The following DNAH2 variants were observed in gnomAD, a reference collection of about 807,000 sequenced individuals.
The protein encoded by DNAH2 is dynein axonemal heavy chain 2.
Under a neutral mutation model 523.5 loss-of-function variants are expected in DNAH2, and 323 were observed. The observed-to-expected ratio is 0.62, with a 90% CI of 0.56 to 0.68. The LOEUF (loss-of-function observed/expected upper bound fraction) is 0.68, where lower values mean the gene tolerates loss of function less well. Among genes scored for constraint, DNAH2 ranks in the 30% least tolerant of loss-of-function variants. DNAH2 has a pLI of 0.00. For missense variants in DNAH2, 4,907 were observed against 5,701.5 expected (o/e 0.86, Z 4.49); for synonymous variants, 2,093 against 2,177.4 (o/e 0.96, Z 1.08).
chr17:7,719,698 T>C (rs2074537176), intron 1 of DNAH2, 23 bp from the exon 2 acceptor site: 3 of 1,614,028 alleles, frequency 1.9e-6, no homozygotes, highest in Non-Finnish European at 2.5e-6. Context: ...GCTTGTAGAC[T>C]CTCCACTCCT....
intron 9 of DNAH2, 100 bp downstream of exon 9, chr17:7,740,038 A>T: frequency 1.1e-6 from 1 of 915,000 alleles, no homozygotes; most frequent in Non-Finnish European, 1.5e-6. Flanking sequence ...AAATGGTGGA[A>T]GGACAGATCG....
intron 31 of DNAH2, 87 bp from the exon 32 acceptor site, chr17:7,776,692 G>A (rs1459299075): frequency 2.9e-6 from 3 of 1,049,282 alleles, no homozygotes; most frequent in Admixed American, 2.0e-5. Context: ...AGAGGCACAT[G>A]GTTCTTGAAT....
In DNAH2 at chr17:7,823,929, A is replaced by T; in HGVS notation, c.11425A>T (p.Ile3809Phe). ...GGCCTTCTGCGTGACCTCCTTCATC[A>T]TCACCAACCTTGGCTCCCGCTTCAT... ...RVAFCVTSFI[I>F]TNLGSRFIEP... The change falls in exon 75 of 86, where the codon ATC (isoleucine) becomes TTC (phenylalanine). Residue 3809 changes from isoleucine (I) to phenylalanine (F), a missense_variant. Physicochemically the swap from Ile to Phe is conservative, Grantham distance 21 (BLOSUM62 0). Around this residue, in one of 3 missense-constraint regions of DNAH2, gnomAD observed 1,851 missense variants for 2,139.4 expected, o/e 0.87. Coordinates refer to ENST00000572933, the MANE Select transcript of DNAH2 (RefSeq NM_020877.5). 6.2e-7 allele frequency: 1 copy of T among 1,613,856 alleles called. No homozygotes were observed. The highest frequency in any genetic ancestry group is 8.5e-7 in the Non-Finnish European group (1 of 1,180,000).
chr17:7,760,594 C>T lies in DNAH2; in HGVS notation c.2786-146C>T, dbSNP rs1398339888. 8 of 719,352 alleles carry T rather than the reference C, an allele frequency of 1.1e-5. 1 individual carries two copies. In the South Asian group the frequency reaches 1.4e-4, roughly 12 times the overall value. 44.6% of individuals were successfully genotyped at this position (719,352 alleles called of 1,614,324 possible). On this transcript the variant is annotated intron_variant, in intron 17 of 85. Coordinates refer to ENST00000572933, the MANE Select transcript of DNAH2 (RefSeq NM_020877.5). The surrounding 1 kb of genome is among the most constrained non-coding windows in gnomAD (Gnocchi z 4.0). ...GTCACATTTTCACTTTCTGCCTACT[C>T]CTTTACCTTCTAATGTGCATGTTTG...
In DNAH2 at chr17:7,776,897, G is replaced by C; in HGVS notation, c.5058+8G>C. On this transcript the variant is annotated splice_region_variant and intron_variant, in intron 32 of 85. Transcript: ENST00000572933. ...GTCATGAAGAAGAACCAGGTGAGAGGCTGGGCGCACTGGCTCATGCTTGTA... is the reference window on the plus strand; with the variant it reads ...GTCATGAAGAAGAACCAGGTGAGAGCCTGGGCGCACTGGCTCATGCTTGTA... 6.2e-7 allele frequency: 1 copy of C among 1,605,146 alleles called. No individual in the cohort carries two copies. Among genetic ancestry groups the C allele is most frequent in the Non-Finnish European group, 8.5e-7 (1 of 1,173,908 alleles).
intron 3 of DNAH2, 92 bp from the exon 4 acceptor site, chr17:7,727,030 C>T (rs1380661685): frequency 7.3e-7 from 1 of 1,372,710 alleles, no homozygotes; most frequent in Non-Finnish European, 9.6e-7. Context: ...TGGCTTCTCT[C>T]ATCTCCCATG....
intron 44 of DNAH2, 102 bp downstream of exon 44, chr17:7,788,346 G>C: frequency 1.4e-6 from 2 of 1,386,898 alleles, no homozygotes; most frequent in Non-Finnish European, 1.9e-6. Context: ...TGAACTCCAG[G>C]CTTGAGTGGA....
Position 7,779,507 on chromosome 17 carries a change from C to G in DNAH2, c.5722+84C>G, listed in dbSNP as rs1161384132. ...AATAACTGCGCATCCTCCTCTTCCC[C>G]CTTCCATGCGAATGTATATAGCTAA... On this transcript the variant is annotated intron_variant, in intron 36 of 85. Coordinates refer to ENST00000572933, the MANE Select transcript of DNAH2 (RefSeq NM_020877.5). 42 of 1,399,750 alleles carry G rather than the reference C, an allele frequency of 3.0e-5. No homozygotes were observed. In the East Asian group the frequency reaches 1.0e-3, roughly 33 times the overall value. The allele number at this position is 1,399,750 out of a possible 1,614,324, so 86.7% of individuals were successfully genotyped here. A position where few individuals can be genotyped will look rare whatever the true frequency, so the allele number is the denominator to read the frequency against.
chr17:7,728,212 T>A (rs183843423), intron 4 of DNAH2, among the ~76,000 whole-genome samples: 1 of 152,082 alleles, frequency 6.6e-6, no homozygotes, highest in African/African-American at 2.4e-5. Context: ...AAAAGACAGA[T>A]GGATAGTAAA....
rs1472131190 is a variant in DNAH2 at position 7,768,191 on chromosome 17, A to G, written c.3865A>G (p.Thr1289Ala). The change falls in exon 24 of 86, where the codon ACT becomes GCT. Residue 1289 changes from threonine to alanine, a missense_variant. By Grantham distance (58) the Thr-to-Ala change is moderately conservative. Transcript: ENST00000572933. ...KDRNWEIIET[T>A]RSKIEQFKRT... ...CCGAAACTGGGAAATTATTGAAACC[A>G]CTCGCTCAAAAATAGAGCAGTTCAA... 2 of 1,614,032 alleles carry G rather than the reference A, an allele frequency of 1.2e-6. No homozygotes were observed. Among genetic ancestry groups the G allele is most frequent in the Non-Finnish European group, 1.7e-6 (2 of 1,179,984 alleles).
intron 63 of DNAH2, among the ~76,000 whole-genome samples, chr17:7,813,220 C>G (rs1240658255): frequency 6.6e-6 from 1 of 151,792 alleles, no homozygotes; most frequent in Non-Finnish European, 1.5e-5. Context: ...CGTGCTTATG[C>G]CTGTATACGA....
At chr17:7,816,496 CAG>C (rs2077669273) in intron 63 of DNAH2, 73 bp from the exon 64 acceptor site, 7 of 1,534,970 alleles carry the variant, frequency 4.6e-6, no homozygotes, top group South Asian at 1.2e-5. Flanking sequence ...TACAAAATGG[CAG>C]AGTCATGATG....
chr17:7,754,384 A>C lies in DNAH2; in HGVS notation c.1905-2707A>C. The C allele has an allele frequency of 1.9e-6, 1 of 534,882 alleles. No homozygotes were observed. The highest frequency in any genetic ancestry group is 3.3e-5 in the South Asian group (1 of 30,668). 33.1% of individuals were successfully genotyped at this position (534,882 alleles called of 1,614,324 possible). On this transcript the variant is annotated intron_variant, in intron 12 of 85. Transcript: ENST00000572933. This position sits in a 1 kb window ranked among gnomAD's most constrained non-coding sequence, Gnocchi z 4.6. ...TAGGTGCTTCAGGAGCCGTGGCTTA[A>C]GGTGCAGACATGGCCAAGTCCACAC...
In DNAH2 at chr17:7,732,156, C is replaced by T. The variant is rs920640481; in HGVS notation, c.400-931C>T. On this transcript the variant is annotated intron_variant, in intron 4 of 85. Coordinates refer to ENST00000572933, the MANE Select transcript of DNAH2 (RefSeq NM_020877.5). ...TTTTAAAATTAAATAAATTGTCAGC[C>T]GGGTATGGTGGCTCGCGCTTGTAAT... Among the ~76,000 whole-genome samples, 4 of 151,292 alleles carry T rather than the reference C, an allele frequency of 2.6e-5. No homozygotes were observed. In the South Asian group the frequency reaches 8.4e-4, roughly 32 times the overall value.
intron 18 of DNAH2, among the ~76,000 whole-genome samples, chr17:7,763,268 C>T (rs943803887): frequency 3.9e-5 from 6 of 152,104 alleles, no homozygotes; most frequent in African/African-American, 1.4e-4. Flanking sequence ...AAGCCATTCT[C>T]CTGCCTCAGC....
chr17:7,754,744 G>A lies in DNAH2; in HGVS notation c.1905-2347G>A, dbSNP rs983702221. Reference sequence around the variant, plus strand: ...ATGGCCAAGGGGCTCAGGCTGTGCCGGCCCAAGGCCAAGGCCAAGGATCAA... The same window carrying A: ...ATGGCCAAGGGGCTCAGGCTGTGCCAGCCCAAGGCCAAGGCCAAGGATCAA... On this transcript the variant is annotated intron_variant, in intron 12 of 85. Coordinates refer to ENST00000572933, the MANE Select transcript of DNAH2 (RefSeq NM_020877.5). This position sits in a 1 kb window ranked among gnomAD's most constrained non-coding sequence, Gnocchi z 4.6. The A allele has an allele frequency of 3.2e-5, 33 of 1,038,720 alleles. No homozygotes were observed. The highest frequency in any genetic ancestry group is 3.0e-4 in the Middle Eastern group (1 of 3,358). 64.3% of individuals were successfully genotyped at this position (1,038,720 alleles called of 1,614,324 possible).
chr17:7,740,231 C>T (rs1701571616), intron 9 of DNAH2, among the ~76,000 whole-genome samples, 189 bp from the exon 10 acceptor site: 1 of 152,112 alleles, frequency 6.6e-6, no homozygotes, highest in Non-Finnish European at 1.5e-5. Flanking sequence ...CTATGCAATA[C>T]GGTTAGAGAT....
In DNAH2 at chr17:7,742,960, T is replaced by G. The variant is rs770214345; in HGVS notation, c.1722T>G (p.Ile574Met). The change falls in exon 12 of 86, where the codon ATT becomes ATG. Residue 574 changes from isoleucine (I) to methionine (M), a missense_variant. Coordinates refer to ENST00000572933, the MANE Select transcript of DNAH2 (RefSeq NM_020877.5). ...CTGGTGCTCATTTCCTGCCCCGTATTGGGACTGGAAAGGAGAGTGTGCACA... is the reference window on the plus strand; with the variant it reads ...CTGGTGCTCATTTCCTGCCCCGTATGGGGACTGGAAAGGAGAGTGTGCACA... ...CLAGAHFLPR[I>M]GTGKESVHTY... The G allele has an allele frequency of 8.8e-6, 13 of 1,476,264 alleles. No homozygotes were observed. Among genetic ancestry groups the G allele is most frequent in the South Asian group, 6.1e-5 (4 of 65,142 alleles). 91.4% of individuals were successfully genotyped at this position (1,476,264 alleles called of 1,614,324 possible). A position where few individuals can be genotyped will look rare whatever the true frequency, so the allele number is the denominator to read the frequency against.
Position 7,770,590 on chromosome 17 carries a change from A to C in DNAH2, c.4132A>C (p.Thr1378Pro). 1 of 1,613,976 alleles carries C rather than the reference A, an allele frequency of 6.2e-7. No individual in the cohort carries two copies. Among genetic ancestry groups the C allele is most frequent in the Non-Finnish European group, 8.5e-7 (1 of 1,179,988 alleles). The change falls in exon 26 of 86, where the codon ACT (threonine) becomes CCT (proline). Residue 1378 changes from threonine (T) to proline (P), a missense_variant. Coordinates refer to ENST00000572933, the MANE Select transcript of DNAH2 (RefSeq NM_020877.5). ...LQNIAKTWDV[T>P]QLDIVPYKDK... Reference sequence around the variant, plus strand: ...AAACATTGCCAAGACCTGGGATGTGACTCAGCTCGACATAGTACCCTACAA... The same window carrying C: ...AAACATTGCCAAGACCTGGGATGTGCCTCAGCTCGACATAGTACCCTACAA...
Sources: gnomAD v4.1 joint callset for allele counts (sites outside exome capture counted in the v4.1 genomes callset) on GRCh38, gnomAD v4.1.1 for gene constraint, gnomAD v4.1.1 regional missense constraint, Gnocchi (gnomAD v3.1) non-coding constraint, MANE v1.5 for transcripts, NCBI Gene and HGNC (gene_info 2026-07-23, HGNC 2026-07-21) for gene names.